Variants in SCLT1 observed in about 807,000 individuals in gnomAD.
The protein encoded by SCLT1 is sodium channel-associated protein 1.
A neutral mutation model predicts 112.8 loss-of-function variants in SCLT1; 78 were observed. The ratio of observed to expected loss-of-function variants is 0.69; its 90% confidence interval spans 0.58 to 0.83. The LOEUF (loss-of-function observed/expected upper bound fraction) is 0.83. Among genes scored for constraint, SCLT1 ranks in the 40% least tolerant of loss-of-function variants. The pLI is 0.00. For missense variants in SCLT1, 747 were observed against 770.4 expected, an observed-to-expected ratio of 0.97 and a Z score of 0.36; for synonymous variants, 257 against 254.7, an observed-to-expected ratio of 1.01 and a Z score of -0.09.
intron 9 of SCLT1, among the ~76,000 whole-genome samples, chr4:128,983,960 T>C (rs1317736415): frequency 1.3e-5 from 2 of 152,176 alleles, no homozygotes; most frequent in African/African-American, 4.8e-5. Flanking sequence ...AGCAACACTC[T>C]CTTCCGTAAA....
chr4:128,990,052 T>G (rs1579614874), intron 9 of SCLT1, among the ~76,000 whole-genome samples: 1 of 151,784 alleles, frequency 6.6e-6, no homozygotes, highest in Non-Finnish European at 1.5e-5. Context: ...AATCCTACTC[T>G]AACTATTCCA....
intron 5 of SCLT1, among the ~76,000 whole-genome samples, chr4:129,025,646 G>A (rs546963533): frequency 1.3e-5 from 2 of 152,192 alleles, no homozygotes; most frequent in East Asian, 1.9e-4. Flanking sequence ...ATAAACTAAC[G>A]AGCAAAATAA....
intron 5 of SCLT1, among the ~76,000 whole-genome samples, chr4:129,005,153 G>A (rs936503037): frequency 1.3e-4 from 20 of 152,012 alleles, no homozygotes; most frequent in South Asian, 8.3e-4. Flanking sequence ...CTTTTTAACC[G>A]TAGTATTCAG....
intron 18 of SCLT1, among the ~76,000 whole-genome samples, chr4:128,906,238 C>T (rs1734681191): frequency 6.6e-6 from 1 of 152,150 alleles, no homozygotes; most frequent in Non-Finnish European, 1.5e-5. Flanking sequence ...CGCTCTGTCG[C>T]CCAGGCTGGA....
chr4:128,934,759 A>T (rs1162364274), intron 18 of SCLT1, among the ~76,000 whole-genome samples: 1 of 151,874 alleles, frequency 6.6e-6, no homozygotes, highest in Non-Finnish European at 1.5e-5. Context: ...GTCTGTTAAG[A>T]GTGGCTGTTT....
chr4:129,071,397 T>C (rs1475191443), intron 2 of SCLT1, among the ~76,000 whole-genome samples: 4 of 152,196 alleles, frequency 2.6e-5, no homozygotes, highest in African/African-American at 9.6e-5. Flanking sequence ...CAACTATTAA[T>C]GTGTTGCTGT....
In SCLT1 at chr4:128,891,220, A is replaced by C. The variant is rs1733288498; in HGVS notation, c.1830-83T>G. 4.7e-5 allele frequency: 47 copies of C among 1,009,386 alleles called. 1 individual carries two copies. The South Asian group carries it at 5.8e-4, about 13-fold the overall frequency. The allele number at this position is 1,009,386 out of a possible 1,614,324, so 62.5% of individuals were successfully genotyped here. A position where few individuals can be genotyped will look rare whatever the true frequency, so the allele number is the denominator to read the frequency against. On this transcript the variant is annotated intron_variant, in intron 18 of 20. Transcript: ENST00000281142. Reference sequence around the variant, plus strand: ...TTTATTAGCAAGATACATGTTCATGATTTGAACAAAAATATCATCTTGAGG... The same window carrying C: ...TTTATTAGCAAGATACATGTTCATGCTTTGAACAAAAATATCATCTTGAGG...
intron 17 of SCLT1, among the ~76,000 whole-genome samples, chr4:128,937,556 TG>T (rs989966461): frequency 3.9e-5 from 6 of 152,216 alleles, no homozygotes. Context: ...AAACCACTTT[TG>T]ACTTACATAC....
intron 9 of SCLT1, among the ~76,000 whole-genome samples, chr4:128,983,491 G>A (rs1741846325): frequency 6.6e-6 from 1 of 152,156 alleles, no homozygotes; most frequent in Non-Finnish European, 1.5e-5. Context: ...AAGTCTTTCT[G>A]GAGAAGGCAA....
intron 18 of SCLT1, among the ~76,000 whole-genome samples, chr4:128,918,965 A>G (rs1735674733): frequency 6.6e-6 from 1 of 152,200 alleles, no homozygotes; most frequent in Admixed American, 6.5e-5. Flanking sequence ...TTAGATAAGC[A>G]CACAATAATA....
In SCLT1 at chr4:129,060,985, G is replaced by A. The variant is rs138277232; in HGVS notation, c.103-16934C>T. ...CTATCCACTTGGGCTGAAGGGCTGCGTTGTACTTGTGGTTCTATCCCTGGG... is the reference window on the plus strand; with the variant it reads ...CTATCCACTTGGGCTGAAGGGCTGCATTGTACTTGTGGTTCTATCCCTGGG... On this transcript the variant is annotated intron_variant, in intron 2 of 20. Coordinates refer to ENST00000281142, the MANE Select transcript of SCLT1 (RefSeq NM_144643.4). Among the ~76,000 whole-genome samples the A allele has an allele frequency of 1.6e-3, 239 of 152,260 alleles. 2 individuals carry two copies. Among genetic ancestry groups the A allele is most frequent in the South Asian group, 0.014 (69 of 4,826 alleles).
At chr4:128,987,254 A>C (rs971699826) in intron 9 of SCLT1, among the ~76,000 whole-genome samples, 5 of 152,182 alleles carry the variant, frequency 3.3e-5, no homozygotes, top group Non-Finnish European at 5.9e-5. Flanking sequence ...AGACTGCAAA[A>C]ATTATAATAC....
At chr4:128,894,789 T>C (rs1733610436) in intron 18 of SCLT1, among the ~76,000 whole-genome samples, 1 of 152,142 alleles carries the variant, frequency 6.6e-6, no homozygotes, top group Non-Finnish European at 1.5e-5. Context: ...GTGATTCTCC[T>C]GCCCCAGCCT....
intron 5 of SCLT1, among the ~76,000 whole-genome samples, chr4:129,031,856 T>A (rs1225692098): frequency 6.6e-6 from 1 of 152,142 alleles, no homozygotes; most frequent in Non-Finnish European, 1.5e-5. Flanking sequence ...AGAATTAATA[T>A]TGTGAAAATG....
In SCLT1 at chr4:129,093,532, C is replaced by G; in HGVS notation, c.-429G>C. 1 of 173,896 alleles carries G rather than the reference C, an allele frequency of 5.8e-6. No individual in the cohort carries two copies. The highest frequency in any genetic ancestry group is 2.4e-5 in the African/African-American group (1 of 42,340). 10.8% of individuals were successfully genotyped at this position (173,896 alleles called of 1,614,324 possible). On this transcript the variant is annotated 5_prime_UTR_variant, in exon 1 of 21. Transcript: ENST00000281142. ...CGGCTGGGAAGCCCCAGGCCAGCAGCGGAAGTCCACTCGGCCCGCCCTGCG... is the reference window on the plus strand; with the variant it reads ...CGGCTGGGAAGCCCCAGGCCAGCAGGGGAAGTCCACTCGGCCCGCCCTGCG...
intron 2 of SCLT1, among the ~76,000 whole-genome samples, chr4:129,078,499 T>C (rs1225719802): frequency 2.0e-5 from 3 of 152,042 alleles, no homozygotes; most frequent in African/African-American, 7.3e-5. Context: ...TGAAAGATTC[T>C]CTATCACTTA....
Position 129,082,371 on chromosome 4 carries a change from G to C in SCLT1, c.37C>G (p.Arg13Gly), listed in dbSNP as rs201848700. The change falls in exon 2 of 21, where the codon CGA (arginine) becomes GGA (glycine). Residue 13 changes from arginine (R) to glycine (G), a missense_variant and splice_region_variant. Arg to Gly is a moderately radical substitution (Grantham distance 125). Coordinates refer to ENST00000281142, the MANE Select transcript of SCLT1 (RefSeq NM_144643.4). ...AEIDFLREQN[R>G]RLNEDFRRYQ... ...CGCCTAAAATCTTCATTTAGTCTTC[G>C]ATCTGAAACAAGCGGGAAAACAGAT... 1 of 1,583,110 alleles carries C rather than the reference G, an allele frequency of 6.3e-7. No individual in the cohort carries two copies. Among genetic ancestry groups the C allele is most frequent in the Non-Finnish European group, 8.6e-7 (1 of 1,160,900 alleles).
At position 128,902,425 on chromosome 4, in the gene SCLT1, C is replaced by A. The variant is rs573591197; in HGVS notation, c.1830-11288G>T. ...AATATTAATAGTATAGCCTACTGCTCCTAGGCTACAAACCTGTACAGCATG... is the reference window on the plus strand; with the variant it reads ...AATATTAATAGTATAGCCTACTGCTACTAGGCTACAAACCTGTACAGCATG... On this transcript the variant is annotated intron_variant, in intron 18 of 20. Transcript: ENST00000281142. 9.9e-5 allele frequency among the ~76,000 whole-genome samples: 15 copies of A among 152,284 alleles called. No individual in the cohort carries two copies. In the East Asian group the frequency reaches 2.3e-3, roughly 23 times the overall value.
chr4:128,897,148 G>A (rs318522), intron 18 of SCLT1, among the ~76,000 whole-genome samples: 110,361 of 151,850 alleles, frequency 0.73, 40,414 homozygotes, highest in African/African-American at 0.82. Context: ...GCAGGCCAAC[G>A]TTCATATTCA....
Sources: gnomAD v4.1 joint callset for allele counts (sites outside exome capture counted in the v4.1 genomes callset) on GRCh38, gnomAD v4.1.1 for gene constraint, MANE v1.5 for transcripts, NCBI Gene and HGNC (gene_info 2026-07-23, HGNC 2026-07-21) for gene names.